SNX29: variants seen among roughly 807,000 people sequenced by gnomAD.
The protein encoded by SNX29 is sorting nexin 29.
Under a neutral mutation model 102.1 loss-of-function variants are expected in SNX29, and 78 were observed. The observed-to-expected ratio is 0.76, with a 90% CI of 0.64 to 0.92. SNX29 has a LOEUF of 0.92. SNX29 is among the 40% of genes least tolerant of loss of function. The pLI, the probability that SNX29 is intolerant of heterozygous loss-of-function variation, is 0.00. For missense variants in SNX29, 1,280 were observed against 1,061.7 expected (o/e 1.21, Z -2.86); for synonymous variants, 580 against 414.5 (o/e 1.40, Z -4.85).
At chr16:12,216,925 CAT>C (rs1266695665) in intron 14 of SNX29, among the ~76,000 whole-genome samples, 1 of 152,240 alleles carries the variant, frequency 6.6e-6, no homozygotes, top group African/African-American at 2.4e-5. Flanking sequence ...TGCTGGGAAA[CAT>C]AGTCTCTTTG....
intron 11 of SNX29, among the ~76,000 whole-genome samples, chr16:12,080,617 C>T (rs536424759): frequency 7.9e-5 from 12 of 151,866 alleles, no homozygotes; most frequent in African/African-American, 2.4e-4. Context: ...TAGGATCAAG[C>T]GATCCACCCG....
chr16:12,178,760 A>C (rs1034383498), intron 13 of SNX29, among the ~76,000 whole-genome samples: 3 of 152,146 alleles, frequency 2.0e-5, no homozygotes, highest in Non-Finnish European at 4.4e-5. Context: ...TTCCGACTTG[A>C]GTAGTATTTT....
At chr16:12,170,972 C>T (rs1027865299) in intron 13 of SNX29, among the ~76,000 whole-genome samples, 1 of 151,996 alleles carries the variant, frequency 6.6e-6, no homozygotes, top group Non-Finnish European at 1.5e-5. Context: ...AAATCCCGGC[C>T]AGCGTGTTTA....
chr16:12,433,154 C>T (rs941452540), intron 18 of SNX29, among the ~76,000 whole-genome samples: 1 of 152,186 alleles, frequency 6.6e-6, no homozygotes, highest in South Asian at 2.1e-4. Flanking sequence ...ACTCCCACCA[C>T]GAGTCATTAC....
At chr16:12,538,722 G>A (rs762251888) in intron 20 of SNX29, among the ~76,000 whole-genome samples, 7 of 152,146 alleles carry the variant, frequency 4.6e-5, no homozygotes, top group Admixed American at 4.6e-4. Flanking sequence ...ACATCAGGGA[G>A]CACAGACAGG....
intron 20 of SNX29, among the ~76,000 whole-genome samples, chr16:12,530,942 C>G (rs1433568080): frequency 1.3e-5 from 2 of 152,212 alleles, no homozygotes; most frequent in East Asian, 1.9e-4. Context: ...TTATTTCACC[C>G]TTGCTCTACT....
At chr16:12,141,456 TA>T (rs1381037717) in intron 13 of SNX29, among the ~76,000 whole-genome samples, 1 of 152,206 alleles carries the variant, frequency 6.6e-6, no homozygotes, top group Non-Finnish European at 1.5e-5. Flanking sequence ...AAGGCAAGTT[TA>T]TTAGAGAAAG....
intron 13 of SNX29, among the ~76,000 whole-genome samples, chr16:12,197,229 G>A (rs1293159018): frequency 6.6e-6 from 1 of 152,174 alleles, no homozygotes; most frequent in Non-Finnish European, 1.5e-5. Context: ...AAGATTGGGA[G>A]TAGGCTGGGC....
At chr16:12,365,659 C>A (rs145646644) in intron 16 of SNX29, among the ~76,000 whole-genome samples, 1,593 of 151,136 alleles carry the variant, frequency 0.011, 29 homozygotes, top group African/African-American at 0.037. Flanking sequence ...CAACTACACT[C>A]CAGCCTGGGT....
At chr16:12,297,678 C>T (rs1201356578) in intron 15 of SNX29, among the ~76,000 whole-genome samples, 1 of 152,176 alleles carries the variant, frequency 6.6e-6, no homozygotes, top group Non-Finnish European at 1.5e-5. Flanking sequence ...ACACATACTT[C>T]AGATCATTTC....
chr16:12,181,087 C>T (rs934453139), intron 13 of SNX29, among the ~76,000 whole-genome samples: 3 of 152,180 alleles, frequency 2.0e-5, no homozygotes, highest in African/African-American at 7.2e-5. Context: ...GCCTGGGTTA[C>T]CGTGGATCTC....
rs1376136937 is a variant in SNX29, at chr16:12,572,320, G to A, written c.*3691G>A. On this transcript the variant is annotated 3_prime_UTR_variant, in exon 21 of 21. Coordinates refer to ENST00000566228, the MANE Select transcript of SNX29 (RefSeq NM_032167.5). ...TGATCACAATCCAGGTTGGAAACAGGAGTGAAGCCCACCAGCCTGCCTGGT... is the reference window on the plus strand; with the variant it reads ...TGATCACAATCCAGGTTGGAAACAGAAGTGAAGCCCACCAGCCTGCCTGGT... The A allele has an allele frequency of 5.6e-6, 6 of 1,063,074 alleles. No homozygotes were observed. Among genetic ancestry groups the A allele is most frequent in the Non-Finnish European group, 6.8e-6 (6 of 877,848 alleles). 65.9% of individuals were successfully genotyped at this position (1,063,074 alleles called of 1,614,324 possible).
intron 20 of SNX29, among the ~76,000 whole-genome samples, chr16:12,553,672 C>T (rs1031604196): frequency 5.4e-5 from 8 of 147,330 alleles, no homozygotes; most frequent in Non-Finnish European, 8.9e-5. Context: ...CTCACTGCAA[C>T]CTCCGCCTCC....
intron 19 of SNX29, among the ~76,000 whole-genome samples, chr16:12,503,846 A>G (rs1051451760): frequency 1.3e-5 from 2 of 152,202 alleles, no homozygotes; most frequent in African/African-American, 4.8e-5. Context: ...ATTAGATTCC[A>G]TTGTTCTGTT....
At chr16:12,202,151 G>A (rs1596493222) in intron 14 of SNX29, among the ~76,000 whole-genome samples, 1 of 152,196 alleles carries the variant, frequency 6.6e-6, no homozygotes, top group East Asian at 1.9e-4. Context: ...TGTGTAAAAA[G>A]CCTCCAGGAT....
intron 14 of SNX29, among the ~76,000 whole-genome samples, chr16:12,233,108 T>G (rs1029024545): frequency 2.0e-5 from 3 of 151,036 alleles, no homozygotes; most frequent in Non-Finnish European, 4.4e-5. Flanking sequence ...TCTTTGTCTT[T>G]GTCTTCCTCC....
chr16:12,461,975 AAAAATATATATATAT>A (rs1319054159), intron 18 of SNX29, among the ~76,000 whole-genome samples: 2 of 63,386 alleles, frequency 3.2e-5, no homozygotes, highest in East Asian at 6.6e-4. Context: ...AAAAAAAAAA[AAAAATATATATATAT>A]ATATATATAT....
chr16:12,340,182 T>G lies in SNX29; in HGVS notation c.1783-15981T>G, dbSNP rs984174583. On this transcript the variant is annotated intron_variant, in intron 15 of 20. Transcript: ENST00000566228. ...TTCATCATCGTCATCTTCTCCATCC[T>G]CCTCCCCTTCTTCTCCTTCCCTGGA... Among the ~76,000 whole-genome samples the G allele has an allele frequency of 2.6e-5, 4 of 152,214 alleles. 1 individual carries two copies. Among genetic ancestry groups the G allele is most frequent in the African/African-American group, 9.6e-5 (4 of 41,454 alleles).
intron 17 of SNX29, among the ~76,000 whole-genome samples, chr16:12,399,836 G>C (rs562607032): frequency 4.6e-5 from 7 of 152,118 alleles, no homozygotes; most frequent in Non-Finnish European, 1.0e-4. Flanking sequence ...CTTGTGGGCA[G>C]GGGGAGCATG....
Sources: allele counts gnomAD v4.1 joint callset (sites outside exome capture counted in the v4.1 genomes callset), GRCh38; gene constraint gnomAD v4.1.1; transcripts MANE v1.5; gene names NCBI Gene and HGNC (gene_info 2026-07-23, HGNC 2026-07-21).